ABLIM1: variants seen among roughly 807,000 people sequenced by gnomAD.
ABLIM1 encodes actin binding LIM protein 1.
ABLIM1 carries 40 observed loss-of-function variants against 107.0 expected under a neutral mutation model. The observed-to-expected ratio is 0.37, with a 90% CI of 0.29 to 0.49. ABLIM1 has a LOEUF of 0.49. ABLIM1 is among the 20% of genes least tolerant of loss of function. ABLIM1 has a pLI of 0.97. For missense variants in ABLIM1, 857 were observed against 1,008.5 expected (o/e 0.85, Z 2.04); for synonymous variants, 357 against 357.3 (o/e 1.00, Z 0.01).
chr10:114,511,357 C>T (rs2061842996), intron 6 of ABLIM1, among the ~76,000 whole-genome samples: 1 of 151,840 alleles, frequency 6.6e-6, no homozygotes, highest in South Asian at 2.1e-4. Context: ...TTATACCCTT[C>T]TCACCTCTTT....
chr10:114,565,667 GAT>G (rs931753868), intron 4 of ABLIM1, among the ~76,000 whole-genome samples: 5 of 151,358 alleles, frequency 3.3e-5, no homozygotes, highest in Non-Finnish European at 7.4e-5. Flanking sequence ...AGAACATAAA[GAT>G]AAAAGAAAGT....
chr10:114,763,370 T>G (rs958004469), intron 1 of ABLIM1, among the ~76,000 whole-genome samples: 2 of 151,338 alleles, frequency 1.3e-5, no homozygotes, highest in African/African-American at 4.9e-5. Context: ...TATATAGGTA[T>G]GTTAACATAG....
rs116278808 is a variant in ABLIM1 at position 114,436,158 on chromosome 10, G to A, written c.*102C>T. 9.9e-4 allele frequency: 862 copies of A among 867,312 alleles called. 2 individuals are homozygous for A. The highest frequency in any genetic ancestry group is 7.6e-3 in the African/African-American group (450 of 59,198). 53.7% of individuals were successfully genotyped at this position (867,312 alleles called of 1,614,324 possible). ...TCTCTTTTTGGTGTTGCTGAGCGAC[G>A]GTAGTTTGCAAATTCTCCAATCAAG... On this transcript the variant is annotated 3_prime_UTR_variant, in exon 23 of 23. Coordinates refer to ENST00000533213, the MANE Select transcript of ABLIM1 (RefSeq NM_002313.7).
At chr10:114,667,617 T>C (rs1366526863) in intron 1 of ABLIM1, among the ~76,000 whole-genome samples, 1 of 152,240 alleles carries the variant, frequency 6.6e-6, no homozygotes, top group Non-Finnish European at 1.5e-5. Context: ...GTAAACCACA[T>C]GTCTGTCAAG....
intron 2 of ABLIM1, among the ~76,000 whole-genome samples, chr10:114,598,106 T>C (rs2075614762): frequency 6.6e-6 from 1 of 151,762 alleles, no homozygotes; most frequent in African/African-American, 2.4e-5. Flanking sequence ...ACCCCGTGTC[T>C]ACAAATAATA....
At chr10:114,710,085 T>C (rs1346953484) in intron 1 of ABLIM1, among the ~76,000 whole-genome samples, 2 of 152,214 alleles carry the variant, frequency 1.3e-5, no homozygotes, top group Non-Finnish European at 2.9e-5. Flanking sequence ...TTGAAGTAAA[T>C]GGTTACTCAG....
upstream of ABLIM1, among the ~76,000 whole-genome samples, chr10:114,769,244 G>A (rs990561732): frequency 2.7e-5 from 4 of 149,518 alleles, no homozygotes; most frequent in East Asian, 3.9e-4. Flanking sequence ...CCAGCTACTC[G>A]GGAGGTTGAG....
At chr10:114,753,151 TG>T (rs1259912714) in intron 1 of ABLIM1, among the ~76,000 whole-genome samples, 1 of 152,190 alleles carries the variant, frequency 6.6e-6, no homozygotes, top group Non-Finnish European at 1.5e-5. Context: ...GTCTCCCCCT[TG>T]GTAGAAACAA....
chr10:114,771,111 A>C (rs1468956908), upstream of ABLIM1, among the ~76,000 whole-genome samples: 1 of 142,718 alleles, frequency 7.0e-6, no homozygotes, highest in East Asian at 2.0e-4. Flanking sequence ...GATTACAGGC[A>C]TGAGCCACCG....
intron 6 of ABLIM1, 73 bp from the exon 7 acceptor site, chr10:114,491,951 G>A: frequency 8.1e-7 from 1 of 1,229,762 alleles, no homozygotes; most frequent in South Asian, 1.4e-5. Context: ...TGGACTTGAT[G>A]ATTTAGAAGA....
chr10:114,460,566 A>C (rs1358792066), intron 12 of ABLIM1, among the ~76,000 whole-genome samples: 1 of 152,236 alleles, frequency 6.6e-6, no homozygotes, highest in Non-Finnish European at 1.5e-5. Flanking sequence ...GTGCCACTGC[A>C]TGCCAGCCTG....
At chr10:114,606,352 C>T (rs1234440959) in intron 1 of ABLIM1, among the ~76,000 whole-genome samples, 1 of 152,118 alleles carries the variant, frequency 6.6e-6, no homozygotes, top group Non-Finnish European at 1.5e-5. Flanking sequence ...TCTTCTGCCT[C>T]AGCCTCCCTA....
chr10:114,774,363 G>A, the ABLIM1 span, among the ~76,000 whole-genome samples: 1 of 152,196 alleles, frequency 6.6e-6, no homozygotes, highest in Non-Finnish European at 1.5e-5. Context: ...GTGGAGGGAG[G>A]AGAAACCCAG....
intron 1 of ABLIM1, among the ~76,000 whole-genome samples, chr10:114,714,974 G>A (rs1349252305): frequency 1.3e-5 from 2 of 151,942 alleles, no homozygotes; most frequent in African/African-American, 4.8e-5. Context: ...TGACTCCAAT[G>A]TCAACTTCTA....
At chr10:114,650,741 A>G (rs1480893765) in intron 1 of ABLIM1, among the ~76,000 whole-genome samples, 1 of 152,108 alleles carries the variant, frequency 6.6e-6, no homozygotes, top group African/African-American at 2.4e-5. Context: ...TTACAGCTCA[A>G]ATCGCAAATC....
chr10:114,470,304 T>C (rs1389642218), intron 10 of ABLIM1, among the ~76,000 whole-genome samples: 2 of 151,572 alleles, frequency 1.3e-5, no homozygotes, highest in East Asian at 1.9e-4. Flanking sequence ...ATGCCCGTAG[T>C]CTCAGCTACT....
chr10:114,479,034 T>C (rs959846133), intron 8 of ABLIM1, among the ~76,000 whole-genome samples: 3 of 152,228 alleles, frequency 2.0e-5, no homozygotes, highest in African/African-American at 7.2e-5. Context: ...AGTTCAAACC[T>C]GGGCTCTACT....
intron 4 of ABLIM1, among the ~76,000 whole-genome samples, chr10:114,558,453 C>T (rs957993154): frequency 6.6e-6 from 1 of 152,112 alleles, no homozygotes; most frequent in African/African-American, 2.4e-5. Context: ...TAATGACGTT[C>T]GCAGGATGGC....
chr10:114,547,755 T>G lies in ABLIM1; in HGVS notation c.695A>C (p.Asp232Ala). ...CAGCAGCGCCTGCCCATTCTTGATA[T>G]CTCTTCCGCAGCCGGCACAATCTGA... ...FSSNCAGCGR[D>A]IKNGQALLAL... Residue 232 changes from aspartate to alanine, a missense_variant, in exon 5 of 23, where the codon GAT becomes GCT. This residue lies in a region of ABLIM1 where 381 missense variants were observed against 506.9 expected (regional missense o/e 0.75). Coordinates refer to ENST00000533213, the MANE Select transcript of ABLIM1 (RefSeq NM_002313.7). 1 of 1,610,942 alleles carries G rather than the reference T, an allele frequency of 6.2e-7. No individual in the cohort carries two copies. Among genetic ancestry groups the G allele is most frequent in the Non-Finnish European group, 8.5e-7 (1 of 1,180,008 alleles).
Sources: gnomAD v4.1 joint callset for allele counts (sites outside exome capture counted in the v4.1 genomes callset) on GRCh38, gnomAD v4.1.1 for gene constraint, gnomAD v4.1.1 regional missense constraint, MANE v1.5 for transcripts, NCBI Gene and HGNC (gene_info 2026-07-23, HGNC 2026-07-21) for gene names.